FEZ1: variants seen among roughly 807,000 people sequenced by gnomAD.
FEZ1 encodes fasciculation and elongation protein zeta 1.
FEZ1 carries 20 observed loss-of-function variants against 49.3 expected under a neutral mutation model. The ratio of observed to expected loss-of-function variants is 0.41; its 90% CI spans 0.29 to 0.59. FEZ1 has a LOEUF of 0.59. Ranked by LOEUF, FEZ1 falls within the 20% of genes least tolerant of loss-of-function variation. The probability of loss-of-function intolerance (pLI) is 0.36; values close to 1 mark genes in which losing one functional copy is unlikely to be tolerated. For missense variants in FEZ1, 413 were observed against 476.0 expected (o/e 0.87, Z 1.23); for synonymous variants, 170 against 180.9 (o/e 0.94, Z 0.48).
At chr11:125,449,938 G>A (rs1956938542) in intron 8 of FEZ1, among the ~76,000 whole-genome samples, 1 of 152,096 alleles carries the variant, frequency 6.6e-6, no homozygotes, top group Non-Finnish European at 1.5e-5. Context: ...CCATTGAGGG[G>A]TTGGTTTGTT....
rs753505394 is a variant in FEZ1 at position 125,481,567 on chromosome 11, G to A, written c.378C>T (p.Ile126=). The change falls in exon 3 of 10, where the codon ATC becomes ATT. Residue 126 remains isoleucine (I), a synonymous_variant. Coordinates refer to ENST00000278919, the MANE Select transcript of FEZ1 (RefSeq NM_005103.5). ...CAGAGCAGTTGCCATTCAGAGCCTCGATGTTTGGATCCCTCCAGTCTTCTG... is the reference window on the plus strand; with the variant it reads ...CAGAGCAGTTGCCATTCAGAGCCTCAATGTTTGGATCCCTCCAGTCTTCTG... ...SLSEDWRDPN[I]EALNGNCSDT... is the part of the protein sequence containing the mutation. 29 of 1,612,978 alleles carry A rather than the reference G, an allele frequency of 1.8e-5. No homozygotes were observed. The highest frequency in any genetic ancestry group is 2.1e-5 in the Non-Finnish European group (25 of 1,179,242).
At chr11:125,488,719 C>A (rs1449322623) in intron 2 of FEZ1, 5 of 985,048 alleles carry the variant, frequency 5.1e-6, no homozygotes, top group African/African-American at 1.7e-5. Flanking sequence ...AAACACATCC[C>A]CCGAGGATAG....
chr11:125,480,587 T>C (rs181330508), intron 3 of FEZ1, among the ~76,000 whole-genome samples: 1 of 152,294 alleles, frequency 6.6e-6, no homozygotes, highest in East Asian at 1.9e-4. Context: ...CATGACAGTT[T>C]CCTCCTCTTA....
rs1010719251 is a variant in FEZ1 at position 125,443,516 on chromosome 11, C to T, written c.*2579G>A. On this transcript the variant is annotated 3_prime_UTR_variant, in exon 10 of 10. Coordinates refer to ENST00000278919, the MANE Select transcript of FEZ1 (RefSeq NM_005103.5). ...TGCATTTGAACTCAAGGCACAAAAC[C>T]CAGGCTCCTTTTAAGAGAAGAGCTG... Among the ~76,000 whole-genome samples, 15 of 152,138 alleles carry T rather than the reference C, an allele frequency of 9.9e-5. No individual in the cohort carries two copies. Among genetic ancestry groups the T allele is most frequent in the African/African-American group, 3.6e-4 (15 of 41,404 alleles).
chr11:125,470,079 C>T (rs1282851573), intron 3 of FEZ1, among the ~76,000 whole-genome samples: 2 of 151,980 alleles, frequency 1.3e-5, no homozygotes, highest in Admixed American at 6.6e-5. Context: ...GAATAGCCCC[C>T]AACATGAAAG....
intron 2 of FEZ1, among the ~76,000 whole-genome samples, chr11:125,484,532 G>T (rs1957310385): frequency 1.3e-5 from 2 of 151,554 alleles, no homozygotes; most frequent in Non-Finnish European, 2.9e-5. Context: ...GCTGGGCGTG[G>T]TGGCCCACAC....
At chr11:125,455,774 A>C (rs1957004781) in intron 6 of FEZ1, 61 bp downstream of exon 6, 2 of 1,564,954 alleles carry the variant, frequency 1.3e-6, no homozygotes, top group Non-Finnish European at 1.8e-6. Context: ...TTGGTAGGGC[A>C]CTGAAACGGG....
chr11:125,467,202 AT>A (rs553845682), intron 3 of FEZ1, among the ~76,000 whole-genome samples: 6 of 151,574 alleles, frequency 4.0e-5, no homozygotes, highest in African/African-American at 7.3e-5. Flanking sequence ...CCTGACTAAG[AT>A]TTTTTTTGTT....
At chr11:125,485,612 G>C (rs1025794449) in intron 2 of FEZ1, among the ~76,000 whole-genome samples, 10 of 152,124 alleles carry the variant, frequency 6.6e-5, no homozygotes, top group Non-Finnish European at 1.5e-4. Context: ...GTATTAATTT[G>C]AGTACACCTT....
In FEZ1 at chr11:125,456,176, G is replaced by A. The variant is rs12290909; in HGVS notation, c.668-70C>T. 6.1e-3 allele frequency: 8,703 copies of A among 1,429,252 alleles called. 73 individuals carry two copies. Among genetic ancestry groups the A allele is most frequent in the African/African-American group, 0.03 (2,124 of 70,430 alleles). 88.5% of individuals were successfully genotyped at this position (1,429,252 alleles called of 1,614,324 possible). On this transcript the variant is annotated intron_variant, in intron 5 of 9. Coordinates refer to ENST00000278919, the MANE Select transcript of FEZ1 (RefSeq NM_005103.5). Reference sequence around the variant, plus strand: ...AGAGCCCGCTGGGGAGGCTCCTGGGGCCACCACCAATCAAGATGGGACTGC... The same window carrying A: ...AGAGCCCGCTGGGGAGGCTCCTGGGACCACCACCAATCAAGATGGGACTGC...
chr11:125,449,441 A>AAAAAAAAAAAAAAAAAAAAG (rs796507357), intron 8 of FEZ1, among the ~76,000 whole-genome samples: 14 of 128,258 alleles, frequency 1.1e-4, no homozygotes, highest in African/African-American at 2.5e-4. Flanking sequence ...AAAAAAAAAA[A>AAAAAAAAAAAAAAAAAAAAG]AAGAAGAAGA....
intron 3 of FEZ1, among the ~76,000 whole-genome samples, chr11:125,471,472 CAG>C (rs1957182527): frequency 1.3e-5 from 2 of 150,846 alleles, no homozygotes; most frequent in Admixed American, 6.6e-5. Flanking sequence ...ACTTTGCAAA[CAG>C]TATGCATAAG....
At chr11:125,466,856 T>C (rs923981586) in intron 3 of FEZ1, among the ~76,000 whole-genome samples, 1 of 152,176 alleles carries the variant, frequency 6.6e-6, no homozygotes, top group Non-Finnish European at 1.5e-5. Context: ...AATGACCCCA[T>C]TCATAGAAAA....
intron 2 of FEZ1, chr11:125,488,963 T>A (rs1166727834): frequency 1.0e-6 from 1 of 985,352 alleles, no homozygotes; most frequent in African/African-American, 1.7e-5. Context: ...CCCGCTGTGC[T>A]CTCAGTTCAG....
At chr11:125,451,174 A>G (rs192487611) in intron 8 of FEZ1, among the ~76,000 whole-genome samples, 2 of 152,336 alleles carry the variant, frequency 1.3e-5, no homozygotes, top group East Asian at 3.9e-4. Flanking sequence ...ACAAACATCT[A>G]TAAATGTCAG....
At chr11:125,450,547 A>C (rs1956944806) in intron 8 of FEZ1, among the ~76,000 whole-genome samples, 1 of 152,236 alleles carries the variant, frequency 6.6e-6, no homozygotes, top group Non-Finnish European at 1.5e-5. Context: ...CTATGTACTT[A>C]GTTCAAAGAG....
chr11:125,493,355 A>G (rs1034281647), intron 1 of FEZ1, among the ~76,000 whole-genome samples: 19 of 137,744 alleles, frequency 1.4e-4, no homozygotes, highest in Admixed American at 3.1e-4. Flanking sequence ...GAAAGAAAGA[A>G]AGAGAGAAAA....
intron 5 of FEZ1, among the ~76,000 whole-genome samples, chr11:125,457,656 G>T (rs866690721): frequency 5.9e-4 from 89 of 151,586 alleles, no homozygotes; most frequent in Non-Finnish European, 3.2e-4. Flanking sequence ...GGGTACATAG[G>T]GGGTGTATGT....
At chr11:125,451,384 T>C (rs1240717520) in intron 8 of FEZ1, 1 of 152,166 alleles carries the variant, frequency 6.6e-6, no homozygotes, top group Non-Finnish European at 1.5e-5. Context: ...ACTCTCCAAA[T>C]TGACAAAAAA....
Sources: allele counts gnomAD v4.1 joint callset (sites outside exome capture counted in the v4.1 genomes callset), GRCh38; gene constraint gnomAD v4.1.1; transcripts MANE v1.5; gene names NCBI Gene and HGNC (gene_info 2026-07-23, HGNC 2026-07-21).